The following TIAM1 variants were observed in gnomAD, a reference collection of about 807,000 sequenced individuals.
TIAM1 encodes rho guanine nucleotide exchange factor TIAM1.
In TIAM1, 65 loss-of-function variants were observed where a neutral mutation model predicts 163.5. The observed-to-expected ratio is 0.40, with a 90% CI of 0.33 to 0.49. The LOEUF (loss-of-function observed/expected upper bound fraction) is 0.49, where lower values mean the gene tolerates loss of function less well. Among genes scored for constraint, TIAM1 ranks in the 20% least tolerant of loss-of-function variants. The pLI is 0.77. For missense variants in TIAM1, 1,789 were observed against 2,044.7 expected (o/e 0.87, Z 2.41); for synonymous variants, 833 against 810.1 (o/e 1.03, Z -0.48).
rs147776170 is a variant in TIAM1 at position 31,153,755 on chromosome 21, G to T, written c.3171+492C>A. ...AATGAATTGCCGTGAAAATCACTAG[G>T]CTTCCTTAAAAATCACAAGAAGGCT... On this transcript the variant is annotated intron_variant, in intron 17 of 27. Coordinates refer to ENST00000541036, the MANE Select transcript of TIAM1 (RefSeq NM_001353694.2). Among the ~76,000 whole-genome samples, 1,433 of 151,926 alleles carry T rather than the reference G, an allele frequency of 9.4e-3. 25 individuals carry two copies. The highest frequency in any genetic ancestry group is 0.032 in the African/African-American group (1,324 of 41,418).
chr21:31,215,292 AAAG>A (rs754348718), intron 9 of TIAM1, among the ~76,000 whole-genome samples: 5 of 152,072 alleles, frequency 3.3e-5, no homozygotes, highest in Non-Finnish European at 5.9e-5. Context: ...CCACCTCCCA[AAAG>A]AAGAAGAGAA....
At chr21:31,523,816 G>A (rs2047686646) in intron 1 of TIAM1, among the ~76,000 whole-genome samples, 1 of 151,834 alleles carries the variant, frequency 6.6e-6, no homozygotes, top group Non-Finnish European at 1.5e-5. Context: ...TACCCGGGAG[G>A]CTAAGGCACA....
chr21:31,349,308 A>G (rs971865723), intron 2 of TIAM1, among the ~76,000 whole-genome samples: 7 of 152,214 alleles, frequency 4.6e-5, no homozygotes, highest in Admixed American at 4.6e-4. Context: ...TGAAGGGAAA[A>G]GGGAGGAAGT....
intron 16 of TIAM1, among the ~76,000 whole-genome samples, chr21:31,161,462 C>G (rs1028588888): frequency 6.6e-6 from 1 of 152,144 alleles, no homozygotes; most frequent in Non-Finnish European, 1.5e-5. Flanking sequence ...CTGCCCCTCC[C>G]CAGCGGCTGT....
intron 15 of TIAM1, among the ~76,000 whole-genome samples, chr21:31,170,112 G>T (rs2084430858): frequency 6.6e-6 from 1 of 152,078 alleles, no homozygotes; most frequent in African/African-American, 2.4e-5. Flanking sequence ...TTCATGTTTA[G>T]ATTATAGAAA....
chr21:31,559,013 C>G (rs569743265), upstream of TIAM1: 2 of 151,724 alleles, frequency 1.3e-5, no homozygotes, highest in Non-Finnish European at 2.9e-5. Context: ...CCAAGGCGTC[C>G]GCGGAGCTGC....
At chr21:31,158,554 T>C (rs2083742210) in intron 16 of TIAM1, among the ~76,000 whole-genome samples, 1 of 152,174 alleles carries the variant, frequency 6.6e-6, no homozygotes, top group African/African-American at 2.4e-5. Context: ...ATATGCATCA[T>C]TACAAGTTAT....
intron 4 of TIAM1, among the ~76,000 whole-genome samples, chr21:31,261,161 G>A (rs73193715): frequency 0.12 from 18,095 of 152,000 alleles, 1,630 homozygotes; most frequent in East Asian, 0.4. Flanking sequence ...GAAAGCAGCC[G>A]TGAGGGATGG....
rs753906635 is a variant in TIAM1, at chr21:31,225,711, C to G, written c.1809+15G>C. ...TAACAATTTTGTCCGGACCTAAACA[C>G]GGAAGAACGATTACCTGATCTAATA... On this transcript the variant is annotated intron_variant, in intron 7 of 27. Transcript: ENST00000541036. 2 of 1,598,968 alleles carry G rather than the reference C, an allele frequency of 1.3e-6. No homozygotes were observed. Among genetic ancestry groups the G allele is most frequent in the South Asian group, 1.1e-5 (1 of 90,808 alleles).
At chr21:31,458,043 C>T (rs939643341) in intron 2 of TIAM1, among the ~76,000 whole-genome samples, 3 of 152,198 alleles carry the variant, frequency 2.0e-5, no homozygotes, top group Non-Finnish European at 4.4e-5. Context: ...ACTAGGGAGG[C>T]TACTGAGGCC....
rs2076379249 is a variant in TIAM1, at chr21:31,359,852, GGAAGGAAGGA to G, written c.-368-20440_-368-20431del. 3.3e-3 allele frequency among the ~76,000 whole-genome samples: 445 copies of G among 134,316 alleles called. 9 individuals carry two copies. The highest frequency in any genetic ancestry group is 0.011 in the African/African-American group (336 of 30,926). The allele number at this position is 134,316 out of a possible 152,430, so 88.1% of individuals were successfully genotyped here. ...AGGAAGGAAGGAAGGAAGGAAGGAA[GGAAGGAAGGA>G]AGGGAGGGAGGGAGGAAAGACAATG... is the stretch of plus-strand genomic sequence containing the variant. On this transcript the variant is annotated intron_variant, in intron 2 of 28. Transcript: ENST00000286827.
chr21:31,281,132 A>G (rs1217609740), intron 2 of TIAM1, among the ~76,000 whole-genome samples: 2 of 151,482 alleles, frequency 1.3e-5, no homozygotes, highest in Non-Finnish European at 2.9e-5. Context: ...ACACACTCAT[A>G]AGGGAAATTC....
At chr21:31,193,898 A>G (rs906916756) in intron 13 of TIAM1, among the ~76,000 whole-genome samples, 6 of 152,184 alleles carry the variant, frequency 3.9e-5, no homozygotes, top group Admixed American at 3.3e-4. Flanking sequence ...AGCAGTGAAC[A>G]TGGCCCCCGC....
chr21:31,399,072 A>G (rs1406199326), intron 2 of TIAM1, among the ~76,000 whole-genome samples: 1 of 152,148 alleles, frequency 6.6e-6, no homozygotes, highest in Non-Finnish European at 1.5e-5. Flanking sequence ...GCCAGAAACT[A>G]AAAAGAAACA....
Position 31,171,035 on chromosome 21 carries a change from C to CAAAAAAAAA in TIAM1, c.2888-5979_2888-5971dup, listed in dbSNP as rs34291568. On this transcript the variant is annotated intron_variant, in intron 15 of 27. Transcript: ENST00000541036. Reference sequence around the variant, plus strand: ...TGGGTGACAGAGTGAGACTCCATCTCAAAAAAAAAAAAAAAAAAAAAAAAA... The same window carrying CAAAAAAAAA: ...TGGGTGACAGAGTGAGACTCCATCTCAAAAAAAAAAAAAAAAAAAAAAAAAAAAAAAAAA... Among the ~76,000 whole-genome samples the CAAAAAAAAA allele has an allele frequency of 2.1e-3, 41 of 19,576 alleles. 3 individuals carry two copies. The highest frequency in any genetic ancestry group is 4.0e-3 in the African/African-American group (40 of 10,042). The allele number at this position is 19,576 out of a possible 152,430, so 12.8% of individuals were successfully genotyped here.
intron 11 of TIAM1, among the ~76,000 whole-genome samples, chr21:31,206,595 T>C (rs954871450): frequency 3.3e-5 from 5 of 152,214 alleles, no homozygotes; most frequent in African/African-American, 1.2e-4. Context: ...TACTTAGCAT[T>C]TGATGCATTT....
intron 1 of TIAM1, among the ~76,000 whole-genome samples, chr21:31,490,824 G>A (rs1473116448): frequency 1.3e-5 from 2 of 152,184 alleles, no homozygotes; most frequent in South Asian, 2.1e-4. Flanking sequence ...CTGCTATTGT[G>A]TAGAAATAAG....
intron 2 of TIAM1, among the ~76,000 whole-genome samples, chr21:31,408,716 T>C (rs879287386): frequency 2.6e-5 from 4 of 152,208 alleles, no homozygotes; most frequent in Admixed American, 2.0e-4. Flanking sequence ...TCTCCCCATG[T>C]CTTAGATTAG....
intron 2 of TIAM1, among the ~76,000 whole-genome samples, chr21:31,424,271 T>C (rs2043702569): frequency 6.6e-6 from 1 of 152,178 alleles, no homozygotes; most frequent in Non-Finnish European, 1.5e-5. Context: ...AAATAAAAAC[T>C]GAGACTCAGA....
Sources: allele counts gnomAD v4.1 joint callset (sites outside exome capture counted in the v4.1 genomes callset), GRCh38; gene constraint gnomAD v4.1.1; transcripts MANE v1.5; gene names NCBI Gene and HGNC (gene_info 2026-07-23, HGNC 2026-07-21).